Variants in AZIN2 observed in about 807,000 individuals in gnomAD.
The protein encoded by AZIN2 is antizyme inhibitor 2.
In AZIN2, 28 loss-of-function variants were observed where a neutral mutation model predicts 47.8. That is an observed-to-expected ratio of 0.59 (90% CI 0.43 to 0.80). The LOEUF is 0.80. AZIN2 is among the 30% of genes least tolerant of loss of function. AZIN2 has a pLI of 0.00. For synonymous variants in AZIN2, 221 were observed against 239.4 expected, an observed-to-expected ratio of 0.92 and a Z score of 0.71; for missense variants, 535 against 582.5, an observed-to-expected ratio of 0.92 and a Z score of 0.84.
intron 10 of AZIN2, among the ~76,000 whole-genome samples, chr1:33,106,876 T>G (rs923333205): frequency 6.6e-6 from 1 of 152,198 alleles, no homozygotes; most frequent in Non-Finnish European, 1.5e-5. Flanking sequence ...TTCTATTTAG[T>G]GTGGTACTAG....
chr1:33,096,853 C>A lies in AZIN2; in HGVS notation c.900C>A (p.Asp300Glu). Residue 300 changes from aspartate (D) to glutamate (E), a missense_variant, in exon 9 of 12, where the codon GAC becomes GAA. This residue lies in a region of AZIN2 where 409 missense variants were observed against 429.0 expected (regional missense o/e 0.95). Coordinates refer to ENST00000294517, the MANE Select transcript of AZIN2 (RefSeq NM_052998.4). ...SIIAKKEVLL[D>E]QPGREEENGS... ...TTGCCAAGAAGGAGGTTCTGCTAGACCAGCCTGGCAGGGAGGGTAGGTGCC... is the reference window on the plus strand; with the variant it reads ...TTGCCAAGAAGGAGGTTCTGCTAGAACAGCCTGGCAGGGAGGGTAGGTGCC... 1 of 1,614,156 alleles carries A rather than the reference C, an allele frequency of 6.2e-7. No homozygotes were observed. The highest frequency in any genetic ancestry group is 8.5e-7 in the Non-Finnish European group (1 of 1,180,008).
intron 10 of AZIN2, among the ~76,000 whole-genome samples, chr1:33,107,789 G>T (rs371705071): frequency 2.6e-5 from 4 of 152,060 alleles, no homozygotes; most frequent in Admixed American, 2.6e-4. Flanking sequence ...AGATGTGTAC[G>T]CTGAAAACTA....
chr1:33,118,062 C>T lies in AZIN2; in HGVS notation c.1190C>T (p.Pro397Leu), dbSNP rs1019319311. 6.5e-7 allele frequency: 1 copy of T among 1,527,396 alleles called. No individual in the cohort carries two copies. Among genetic ancestry groups the T allele is most frequent in the African/African-American group, 1.4e-5 (1 of 71,724 alleles). 94.6% of individuals were successfully genotyped at this position (1,527,396 alleles called of 1,614,324 possible). Residue 397 changes from proline (P) to leucine (L), a missense_variant, in exon 11 of 12, where the codon CCC becomes CTC. Around this residue, in one of 3 missense-constraint regions of AZIN2, gnomAD observed 122 missense variants for 135.8 expected, o/e 0.90. Coordinates refer to ENST00000294517, the MANE Select transcript of AZIN2 (RefSeq NM_052998.4). ...GCCTACACTGTGGGCATGGGTTCCCCCTTTTGGGGGACCCAGGCCTGCCAC... is the reference window on the plus strand; with the variant it reads ...GCCTACACTGTGGGCATGGGTTCCCTCTTTTGGGGGACCCAGGCCTGCCAC... ...MGAYTVGMGS[P>L]FWGTQACHIT...
intron 10 of AZIN2, among the ~76,000 whole-genome samples, chr1:33,100,202 T>A (rs1274835189): frequency 6.6e-6 from 1 of 151,928 alleles, no homozygotes; most frequent in Non-Finnish European, 1.5e-5. Flanking sequence ...ATGCCTGTGA[T>A]CGCAGCTACT....
At chr1:33,116,826 G>A (rs1006640676) in intron 10 of AZIN2, among the ~76,000 whole-genome samples, 2 of 152,212 alleles carry the variant, frequency 1.3e-5, no homozygotes, top group African/African-American at 4.8e-5. Context: ...GGAATAGCAT[G>A]GGGGAAAGTA....
At chr1:33,142,783 A>G in the AZIN2 span, 1 of 152,212 alleles carries the variant, frequency 6.6e-6, no homozygotes, top group South Asian at 2.1e-4. Flanking sequence ...ATTTCCAGAG[A>G]GGTCCAGTAA....
intron 6 of AZIN2, among the ~76,000 whole-genome samples, chr1:33,092,838 A>C (rs767470048): frequency 3.9e-5 from 6 of 152,100 alleles, no homozygotes; most frequent in Non-Finnish European, 7.4e-5. Flanking sequence ...TTACATGATT[A>C]CTGGACACCC....
chr1:33,115,774 C>A (rs1432838530), intron 10 of AZIN2, among the ~76,000 whole-genome samples: 2 of 152,248 alleles, frequency 1.3e-5, no homozygotes, highest in Non-Finnish European at 2.9e-5. Flanking sequence ...GATTTAAAAT[C>A]TTTTTTCACC....
In AZIN2 at chr1:33,120,350, C is replaced by G; in HGVS notation, c.*168C>G. 1.1e-6 allele frequency: 1 copy of G among 887,052 alleles called. No individual in the cohort carries two copies. Among genetic ancestry groups the G allele is most frequent in the Admixed American group, 2.9e-5 (1 of 34,320 alleles). The allele number at this position is 887,052 out of a possible 1,614,324, so 54.9% of individuals were successfully genotyped here. On this transcript the variant is annotated 3_prime_UTR_variant, in exon 12 of 12. Coordinates refer to ENST00000294517, the MANE Select transcript of AZIN2 (RefSeq NM_052998.4). ...TGCCCTGTAAATAGGACCAGTCTTA[C>G]ACTCGCTGTAGTTCAAGTATGCAAC... is the stretch of plus-strand genomic sequence containing the variant.
chr1:33,161,849 A>C, the AZIN2 span, among the ~76,000 whole-genome samples: 1 of 151,826 alleles, frequency 6.6e-6, no homozygotes, highest in African/African-American at 2.4e-5. The surrounding 1 kb of genome is among the most constrained non-coding windows in gnomAD (Gnocchi z 4.3). Context: ...TTTGCCTCCC[A>C]TCTCTGTGAC....
At chr1:33,157,365 C>T in the AZIN2 span, among the ~76,000 whole-genome samples, 3 of 152,126 alleles carry the variant, frequency 2.0e-5, no homozygotes, top group Non-Finnish European at 2.9e-5. Context: ...GAGCACTCTT[C>T]CTCCAGATAC....
chr1:33,094,511 C>A (rs771587521), intron 7 of AZIN2, 37 bp from the exon 8 acceptor site: 1 of 1,589,444 alleles, frequency 6.3e-7, no homozygotes, highest in South Asian at 1.1e-5. Context: ...GCACTTGGAG[C>A]CCTGCATGTC....
intron 10 of AZIN2, among the ~76,000 whole-genome samples, chr1:33,098,974 A>G (rs1467069607): frequency 6.6e-6 from 1 of 152,054 alleles, no homozygotes; most frequent in African/African-American, 2.4e-5. Flanking sequence ...CATGTTGTCC[A>G]GGCTGGTCTC....
chr1:33,147,455 G>A, the AZIN2 span: 7 of 1,613,890 alleles, frequency 4.3e-6, no homozygotes, highest in East Asian at 4.5e-5. The surrounding 1 kb of genome is among the most constrained non-coding windows in gnomAD (Gnocchi z 8.1). Context: ...TAGAAGCCGC[G>A]GCTGGGCTGG....
chr1:33,157,691 G>T, the AZIN2 span, among the ~76,000 whole-genome samples: 6 of 151,786 alleles, frequency 4.0e-5, no homozygotes, highest in Admixed American at 3.3e-4. Flanking sequence ...TCTATGAAGT[G>T]TCCAGGCCTC....
At chr1:33,144,619 C>A in the AZIN2 span, among the ~76,000 whole-genome samples, 32,752 of 152,164 alleles carry the variant, frequency 0.22, 3,585 homozygotes, top group South Asian at 0.3. Flanking sequence ...GTAAAGTGAA[C>A]TTTAATTCTT....
At chr1:33,105,980 G>T (rs1643987726) in intron 10 of AZIN2, among the ~76,000 whole-genome samples, 1 of 152,168 alleles carries the variant, frequency 6.6e-6, no homozygotes, top group Non-Finnish European at 1.5e-5. Context: ...TTTCAAAAGT[G>T]TGAATCTGTC....
chr1:33,158,419 C>G, the AZIN2 span: 2 of 1,550,648 alleles, frequency 1.3e-6, no homozygotes, highest in Non-Finnish European at 1.8e-6. Context: ...ATTCCTGCCC[C>G]AATGCCAGGG....
chr1:33,097,924 G>A, intron 9 of AZIN2, 143 bp from the exon 10 acceptor site: 6 of 630,200 alleles, frequency 9.5e-6, no homozygotes, highest in Non-Finnish European at 1.7e-5. Flanking sequence ...GATGGCTGCT[G>A]ATGGCTTTTG....
Sources: gnomAD v4.1 joint callset for allele counts (sites outside exome capture counted in the v4.1 genomes callset) on GRCh38, gnomAD v4.1.1 for gene constraint, gnomAD v4.1.1 regional missense constraint, Gnocchi (gnomAD v3.1) non-coding constraint, MANE v1.5 for transcripts, NCBI Gene and HGNC (gene_info 2026-07-23, HGNC 2026-07-21) for gene names.